RGS17: variants seen among roughly 807,000 people sequenced by gnomAD.
RGS17 encodes regulator of G protein signaling 17, also known as regulator of G-protein signaling 17.
Under a neutral mutation model 25.5 loss-of-function variants are expected in RGS17, and 12 were observed. The ratio of observed to expected loss-of-function variants is 0.47; its 90% CI spans 0.30 to 0.76. The LOEUF (loss-of-function observed/expected upper bound fraction) is 0.76. RGS17 is among the 30% of genes least tolerant of loss of function. The pLI is 0.07. For synonymous variants in RGS17, 71 were observed against 76.9 expected (o/e 0.92, Z 0.40); for missense variants, 196 against 242.2 (o/e 0.81, Z 1.27).
rs183551194 is a variant in RGS17 at position 153,020,241 on chromosome 6, C to T, written c.444+4021G>A. On this transcript the variant is annotated intron_variant, in intron 4 of 4. Transcript: ENST00000206262. ...CGATCTTGGCTCACTGCAACCTCCG[C>T]CTCCCAGGTTCAAGTGATTCTCTTG... Among the ~76,000 whole-genome samples, 274 of 143,658 alleles carry T rather than the reference C, an allele frequency of 1.9e-3. 1 individual carries two copies. Among genetic ancestry groups the T allele is most frequent in the African/African-American group, 6.7e-3 (259 of 38,656 alleles). The allele number at this position is 143,658 out of a possible 152,430, so 94.2% of individuals were successfully genotyped here.
Position 153,005,347 on chromosome 6 carries a change from A to G in RGS17, c.*6227T>C, listed in dbSNP as rs1779063808. ...TTTTCCACTTCACTGTATTTTCTTT[A>G]TAGCATTTATTAGTAATCACTTAGT... is the stretch of plus-strand genomic sequence containing the variant. On this transcript the variant is annotated 3_prime_UTR_variant, in exon 5 of 5. Coordinates refer to ENST00000206262, the MANE Select transcript of RGS17 (RefSeq NM_012419.5). 1 of 152,184 alleles carries G rather than the reference A, an allele frequency of 6.6e-6. No homozygotes were observed. The highest frequency in any genetic ancestry group is 1.5e-5 in the Non-Finnish European group (1 of 68,034). 9.4% of individuals were successfully genotyped at this position (152,184 alleles called of 1,614,324 possible). A position where few individuals can be genotyped will look rare whatever the true frequency, so the allele number is the denominator to read the frequency against.
At chr6:153,112,295 C>T (rs1777482237) in intron 1 of RGS17, among the ~76,000 whole-genome samples, 1 of 151,986 alleles carries the variant, frequency 6.6e-6, no homozygotes, top group Non-Finnish European at 1.5e-5. Flanking sequence ...AATCAATAGC[C>T]ATATTGATCA....
chr6:153,107,070 C>G (rs575069266), intron 1 of RGS17, among the ~76,000 whole-genome samples: 5 of 151,930 alleles, frequency 3.3e-5, no homozygotes, highest in Non-Finnish European at 5.9e-5. Flanking sequence ...TGGTGGCTCA[C>G]GCCTGTAATC....
chr6:153,112,755 T>C (rs1406894585), intron 1 of RGS17, among the ~76,000 whole-genome samples: 1 of 151,752 alleles, frequency 6.6e-6, no homozygotes, highest in Non-Finnish European at 1.5e-5. Context: ...CAGAAGAGAG[T>C]GGGTGCCAAT....
At chr6:153,093,339 G>A (rs1257498495) in intron 1 of RGS17, among the ~76,000 whole-genome samples, 2 of 152,162 alleles carry the variant, frequency 1.3e-5, no homozygotes, top group African/African-American at 2.4e-5. Flanking sequence ...CTGTATCTCT[G>A]AAACTCATGG....
intron 1 of RGS17, among the ~76,000 whole-genome samples, chr6:153,118,249 C>T (rs1208289312): frequency 6.6e-6 from 1 of 152,176 alleles, no homozygotes; most frequent in Non-Finnish European, 1.5e-5. Flanking sequence ...TCTATGCCCA[C>T]AAGAAATATT....
chr6:153,108,516 C>T (rs1033010185), intron 1 of RGS17, among the ~76,000 whole-genome samples: 22 of 151,802 alleles, frequency 1.4e-4, no homozygotes, highest in East Asian at 1.2e-3. Context: ...CACTTCTCCC[C>T]CTTGTGCCCA....
At chr6:153,110,234 AAAC>A (rs1777446888) in intron 1 of RGS17, among the ~76,000 whole-genome samples, 3 of 152,134 alleles carry the variant, frequency 2.0e-5, no homozygotes, top group Admixed American at 1.3e-4. Flanking sequence ...TAGTTCTTTT[AAAC>A]AACGAGTCCA....
At chr6:153,061,200 G>A (rs1486540283) in intron 1 of RGS17, among the ~76,000 whole-genome samples, 1 of 152,116 alleles carries the variant, frequency 6.6e-6, no homozygotes, top group African/African-American at 2.4e-5. Flanking sequence ...ATTAGCTTGG[G>A]GTGAACATCT....
At chr6:153,100,855 C>G (rs756927190) in intron 1 of RGS17, among the ~76,000 whole-genome samples, 5 of 152,198 alleles carry the variant, frequency 3.3e-5, no homozygotes, top group Non-Finnish European at 5.9e-5. Context: ...AGGTGGTCAA[C>G]TGTTCAAAAC....
intron 1 of RGS17, among the ~76,000 whole-genome samples, chr6:153,111,486 C>T (rs1162638762): frequency 6.6e-6 from 1 of 152,172 alleles, no homozygotes; most frequent in African/African-American, 2.4e-5. Context: ...GACAGAGCAC[C>T]TGGGGGAAGG....
intron 2 of RGS17, among the ~76,000 whole-genome samples, chr6:153,035,102 C>T (rs995558689): frequency 2.0e-5 from 3 of 149,956 alleles, no homozygotes; most frequent in African/African-American, 7.4e-5. Context: ...TGCAGTGGGC[C>T]AAGATCGCAC....
At chr6:153,115,131 A>G (rs1360642482) in intron 1 of RGS17, among the ~76,000 whole-genome samples, 4 of 152,226 alleles carry the variant, frequency 2.6e-5, no homozygotes, top group African/African-American at 9.6e-5. Flanking sequence ...GGGAGAGAGG[A>G]AGTCAAATTG....
chr6:153,036,875 C>A (rs1390891354), intron 2 of RGS17, among the ~76,000 whole-genome samples: 2 of 152,114 alleles, frequency 1.3e-5, no homozygotes, highest in Non-Finnish European at 2.9e-5. Flanking sequence ...CTCTTAACAT[C>A]CCCCTTACTT....
chr6:153,029,541 C>A (rs2129107636), intron 2 of RGS17, among the ~76,000 whole-genome samples: 1 of 151,802 alleles, frequency 6.6e-6, no homozygotes, highest in Non-Finnish European at 1.5e-5. Context: ...AGGAAAATAC[C>A]AGATCAACAG....
At chr6:153,116,892 G>T (rs989509460) in intron 1 of RGS17, among the ~76,000 whole-genome samples, 1 of 152,124 alleles carries the variant, frequency 6.6e-6, no homozygotes, top group Non-Finnish European at 1.5e-5. Flanking sequence ...CATGGACACA[G>T]GAAGTGGAAC....
intron 2 of RGS17, among the ~76,000 whole-genome samples, chr6:153,029,597 C>A (rs1003213127): frequency 2.1e-5 from 3 of 142,108 alleles, no homozygotes; most frequent in African/African-American, 7.8e-5. Context: ...TTTTCTTTTT[C>A]TTTTTTTTTT....
intron 1 of RGS17, among the ~76,000 whole-genome samples, chr6:153,048,218 T>G (rs1298944370): frequency 6.6e-6 from 1 of 152,188 alleles, no homozygotes; most frequent in East Asian, 1.9e-4. Context: ...TCCCACAGTT[T>G]CTCCAATTTT....
At chr6:153,088,745 G>A (rs1777085972) in intron 1 of RGS17, among the ~76,000 whole-genome samples, 2 of 152,040 alleles carry the variant, frequency 1.3e-5, no homozygotes, top group African/African-American at 4.8e-5. Flanking sequence ...TGGTGACTGT[G>A]GGGTGCAGAG....
Sources: allele counts gnomAD v4.1 joint callset (sites outside exome capture counted in the v4.1 genomes callset), GRCh38; gene constraint gnomAD v4.1.1; transcripts MANE v1.5; gene names NCBI Gene and HGNC (gene_info 2026-07-23, HGNC 2026-07-21).